Variants in GRAMD4 observed in about 807,000 individuals in gnomAD.
GRAMD4 encodes the protein GRAM domain containing 4.
GRAMD4 carries 25 observed loss-of-function variants against 83.9 expected under a neutral mutation model. That is an observed-to-expected ratio of 0.30 (90% confidence interval 0.22 to 0.42). GRAMD4 has a LOEUF of 0.42. Ranked by LOEUF, GRAMD4 falls within the 10% of genes least tolerant of loss-of-function variation. GRAMD4 has a pLI of 1.00. For synonymous variants in GRAMD4, 336 were observed against 320.9 expected (o/e 1.05, Z -0.50); for missense variants, 593 against 788.7 (o/e 0.75, Z 2.97).
rs1217554399 is a variant in GRAMD4, at chr22:46,626,742, C to T, written c.-49-9C>T. ...CGAGCGGGAGAGTGACCACGCCCCT[C>T]TCTTGCAGGGAACCCGAGCGTCATG... On this transcript the variant is annotated splice_polypyrimidine_tract_variant and intron_variant, in intron 1 of 18. Coordinates refer to ENST00000406902, the MANE Select transcript of GRAMD4 (RefSeq NM_015124.5). 1 of 1,583,846 alleles carries T rather than the reference C, an allele frequency of 6.3e-7. No homozygotes were observed. Among genetic ancestry groups the T allele is most frequent in the Non-Finnish European group, 8.6e-7 (1 of 1,158,214 alleles).
chr22:46,618,545 C>G (rs1005292578), upstream of GRAMD4, among the ~76,000 whole-genome samples: 5 of 151,992 alleles, frequency 3.3e-5, no homozygotes, highest in Admixed American at 2.6e-4. The surrounding 1 kb of genome is among the most constrained non-coding windows in gnomAD (Gnocchi z 5.8). Flanking sequence ...ATGAGGGTGT[C>G]GGGGGAGCAG....
chr22:46,630,670 T>G (rs1448930037), intron 2 of GRAMD4, among the ~76,000 whole-genome samples: 1 of 152,186 alleles, frequency 6.6e-6, no homozygotes, highest in Non-Finnish European at 1.5e-5. Flanking sequence ...TGGCAGCGGC[T>G]CAGGATCTCA....
At chr22:46,656,628 C>A (rs1308982656) in intron 3 of GRAMD4, among the ~76,000 whole-genome samples, 1 of 152,224 alleles carries the variant, frequency 6.6e-6, no homozygotes, top group Non-Finnish European at 1.5e-5. Flanking sequence ...CAGAAAGAAA[C>A]TTCCAGGCTT....
intron 1 of GRAMD4, among the ~76,000 whole-genome samples, chr22:46,595,043 G>A (rs1177678527): frequency 6.6e-6 from 1 of 152,150 alleles, no homozygotes; most frequent in Admixed American, 6.5e-5. Context: ...CCTGTGGACT[G>A]CGTGGCCTGG....
chr22:46,596,580 T>C (rs1001968202), intron 1 of GRAMD4, among the ~76,000 whole-genome samples: 3 of 152,238 alleles, frequency 2.0e-5, no homozygotes, highest in African/African-American at 7.2e-5. Flanking sequence ...ATGTGCTCTG[T>C]TGCCCAGGCT....
chr22:46,674,867 T>TC (rs2082571085), intron 16 of GRAMD4, 117 bp downstream of exon 16: 8 of 733,266 alleles, frequency 1.1e-5, no homozygotes, highest in Non-Finnish European at 1.2e-5. Context: ...GGCCATGGCC[T>TC]CTCCCATGCT....
Position 46,621,886 on chromosome 22 carries a change from T to A in GRAMD4, c.-50+1321T>A, listed in dbSNP as rs949753206. ...AACTGACCGAAGCTTGAAAAGTCTG[T>A]CTTTTTGATGGACCCAGGGAGTTGG... On this transcript the variant is annotated intron_variant, in intron 1 of 18. Transcript: ENST00000406902. This position sits in a 1 kb window ranked among gnomAD's most constrained non-coding sequence, Gnocchi z 5.8. Among the ~76,000 whole-genome samples, 5 of 151,536 alleles carry A rather than the reference T, an allele frequency of 3.3e-5. No homozygotes were observed. The highest frequency in any genetic ancestry group is 1.2e-4 in the African/African-American group (5 of 40,826).
intron 1 of GRAMD4, among the ~76,000 whole-genome samples, chr22:46,611,672 A>G (rs977521222): frequency 5.9e-5 from 9 of 151,946 alleles, no homozygotes; most frequent in African/African-American, 2.2e-4. Context: ...TGTTGGTGAC[A>G]TTATTTTTAT....
Position 46,668,076 on chromosome 22 carries a change from T to C in GRAMD4, c.859-20T>C. 2 of 1,560,960 alleles carry C rather than the reference T, an allele frequency of 1.3e-6. No individual in the cohort carries two copies. The highest frequency in any genetic ancestry group is 1.8e-6 in the Non-Finnish European group (2 of 1,133,144). ...ACTGTTAAATTTCAGTGGAAAATTC[T>C]CTTTCCCCTTTTACTGAAGGAACCT... On this transcript the variant is annotated intron_variant, in intron 10 of 18. Coordinates refer to ENST00000406902, the MANE Select transcript of GRAMD4 (RefSeq NM_015124.5).
chr22:46,583,830 T>G (rs116461338), intron 1 of GRAMD4, among the ~76,000 whole-genome samples: 2,592 of 152,276 alleles, frequency 0.017, 72 homozygotes, highest in African/African-American at 0.057. Flanking sequence ...TTGTGTTTCC[T>G]CCTTCCAGTA....
intron 2 of GRAMD4, among the ~76,000 whole-genome samples, chr22:46,636,262 G>C (rs1200896824): frequency 1.3e-5 from 2 of 152,196 alleles, no homozygotes; most frequent in African/African-American, 4.8e-5. Context: ...GGGCTCCGCT[G>C]GCCTCCCAGA....
upstream of GRAMD4, among the ~76,000 whole-genome samples, chr22:46,575,841 A>G (rs2081038825): frequency 6.6e-6 from 1 of 152,226 alleles, no homozygotes; most frequent in African/African-American, 2.4e-5. Flanking sequence ...CTGGGTCCCC[A>G]GTTCTGCAGA....
intron 3 of GRAMD4, among the ~76,000 whole-genome samples, chr22:46,653,328 T>C (rs2542023): frequency 0.16 from 24,487 of 152,080 alleles, 3,088 homozygotes; most frequent in African/African-American, 0.36. Flanking sequence ...CTCTGAGCAG[T>C]GAAGATGGCC....
chr22:46,648,803 CATGGATGGATGGATGGATGGATGGATGG>C (rs34423766), intron 3 of GRAMD4, among the ~76,000 whole-genome samples: 1 of 27,212 alleles, frequency 3.7e-5, no homozygotes, highest in African/African-American at 1.7e-4. Context: ...TGGATGGATG[CATGGATGGATGGATGGATGGATGGATGG>C]ATGGATGGAT....
At chr22:46,577,396 C>CCCGCCACCGCCGCCG in intron 1 of GRAMD4, 1 of 297,184 alleles carries the variant, frequency 3.4e-6, no homozygotes, top group Non-Finnish European at 4.9e-6. Flanking sequence ...CCGCGCTCTC[C>CCCGCCACCGCCGCCG]CCGCCGCCGC....
At chr22:46,667,333 C>G (rs1265669862) in intron 10 of GRAMD4, among the ~76,000 whole-genome samples, 1 of 152,194 alleles carries the variant, frequency 6.6e-6, no homozygotes, top group African/African-American at 2.4e-5. Context: ...GAGCAAGACT[C>G]TGTCTCAAAA....
chr22:46,651,686 T>C (rs1398386789), intron 3 of GRAMD4, among the ~76,000 whole-genome samples: 1 of 152,202 alleles, frequency 6.6e-6, no homozygotes, highest in African/African-American at 2.4e-5. Flanking sequence ...TGGCAGGTCA[T>C]GCATTTGTGG....
upstream of GRAMD4, among the ~76,000 whole-genome samples, chr22:46,616,016 G>A (rs2081483521): frequency 9.8e-6 from 1 of 101,898 alleles, no homozygotes; most frequent in Non-Finnish European, 1.9e-5. Flanking sequence ...AGGTTCTGCT[G>A]TGCGTGTTGG....
chr22:46,650,411 A>G (rs1268772590), intron 3 of GRAMD4, among the ~76,000 whole-genome samples: 2 of 149,298 alleles, frequency 1.3e-5, no homozygotes, highest in Non-Finnish European at 1.5e-5. Flanking sequence ...AGGGCTGAGC[A>G]TTGAGGCTGG....
Sources: gnomAD v4.1 joint callset for allele counts (sites outside exome capture counted in the v4.1 genomes callset) on GRCh38, gnomAD v4.1.1 for gene constraint, Gnocchi (gnomAD v3.1) non-coding constraint, MANE v1.5 for transcripts, NCBI Gene and HGNC (gene_info 2026-07-23, HGNC 2026-07-21) for gene names.